Variants in ALDH5A1 observed in about 807,000 individuals in gnomAD.
ALDH5A1 encodes succinate-semialdehyde dehydrogenase, mitochondrial.
A neutral mutation model predicts 54.7 loss-of-function variants in ALDH5A1; 33 were observed. That is an observed-to-expected ratio of 0.60 (90% CI 0.46 to 0.81). ALDH5A1 has a LOEUF of 0.81. Ranked by LOEUF, ALDH5A1 falls within the 30% of genes least tolerant of loss-of-function variation. The pLI, the probability that ALDH5A1 is intolerant of heterozygous loss-of-function variation, is 0.00. For synonymous variants in ALDH5A1, 294 were observed against 292.7 expected (o/e 1.00, Z -0.05); for missense variants, 657 against 711.0 (o/e 0.92, Z 0.86).
chr6:24,521,413 C>T (rs903345928), intron 6 of ALDH5A1, among the ~76,000 whole-genome samples: 1 of 152,226 alleles, frequency 6.6e-6, no homozygotes, highest in South Asian at 2.1e-4. Context: ...CTCCTGTCTT[C>T]CAGTTCTATC....
chr6:24,523,821 T>G (rs1759749594), intron 7 of ALDH5A1, among the ~76,000 whole-genome samples: 2 of 152,110 alleles, frequency 1.3e-5, no homozygotes, highest in South Asian at 4.1e-4. Flanking sequence ...GATTTAGAGA[T>G]ATTGAGGGGA....
At chr6:24,516,109 T>C (rs571417202) in intron 5 of ALDH5A1, among the ~76,000 whole-genome samples, 1 of 152,302 alleles carries the variant, frequency 6.6e-6, no homozygotes, top group East Asian at 1.9e-4. Context: ...TTAATGTGTA[T>C]GCCTGTAAGT....
chr6:24,501,939 GTATATA>G (rs1234028952), intron 1 of ALDH5A1, among the ~76,000 whole-genome samples: 6 of 125,680 alleles, frequency 4.8e-5, no homozygotes, highest in Admixed American at 7.4e-5. Context: ...GTGTGTGTGT[GTATATA>G]TATATGTGTA....
At position 24,495,053 on chromosome 6, in the gene ALDH5A1, T is replaced by G; in HGVS notation, c.57T>G (p.Phe19Leu). The G allele has an allele frequency of 1.5e-6, 2 of 1,355,926 alleles. No homozygotes were observed. Among genetic ancestry groups the G allele is most frequent in the Non-Finnish European group, 1.9e-6 (2 of 1,056,152 alleles). The allele number at this position is 1,355,926 out of a possible 1,614,324, so 84.0% of individuals were successfully genotyped here. The change falls in exon 1 of 10, where the codon TTT becomes TTG. Residue 19 changes from phenylalanine (F) to leucine (L), a missense_variant. Around this residue, in one of 2 missense-constraint regions of ALDH5A1, gnomAD observed 232 missense variants for 194.6 expected, o/e 1.19. Transcript: ENST00000357578. ...SCGARRLGST[F>L]PGCRLRPRAG... is the part of the protein sequence containing the mutation. ...GGGCCCGGCGCCTCGGGTCGACGTT[T>G]CCAGGCTGCCGCCTCCGCCCCCGCG...
chr6:24,513,783 G>C (rs1433745430), intron 4 of ALDH5A1, among the ~76,000 whole-genome samples: 1 of 149,754 alleles, frequency 6.7e-6, no homozygotes, highest in Non-Finnish European at 1.5e-5. Context: ...GGGGTTCTCT[G>C]TTATTGGGTA....
intron 1 of ALDH5A1, among the ~76,000 whole-genome samples, chr6:24,496,103 C>G (rs1033882844): frequency 6.6e-6 from 1 of 152,194 alleles, no homozygotes; most frequent in Non-Finnish European, 1.5e-5. Flanking sequence ...TCAAAGCTCT[C>G]CCTCTGAAGG....
chr6:24,495,092 C>A lies in ALDH5A1; in HGVS notation c.96C>A (p.Val32=). 1 of 1,320,952 alleles carries A rather than the reference C, an allele frequency of 7.6e-7. No homozygotes were observed. The highest frequency in any genetic ancestry group is 9.6e-7 in the Non-Finnish European group (1 of 1,039,990). The allele number at this position is 1,320,952 out of a possible 1,614,324, so 81.8% of individuals were successfully genotyped here. ...TCCGCCCCCGCGCCGGCGGCCTGGT[C>A]CCTGCCTCCGGGCCTGCGCCCGGCC... The part of the protein sequence containing the change: ...CRLRPRAGGL[V]PASGPAPGPA... Residue 32 remains valine, a synonymous_variant, in exon 1 of 10, where the codon GTC becomes GTA. Coordinates refer to ENST00000357578, the MANE Select transcript of ALDH5A1 (RefSeq NM_001080.3).
chr6:24,511,719 T>C (rs2127384722), intron 4 of ALDH5A1: 1 of 402,534 alleles, frequency 2.5e-6, no homozygotes, highest in Non-Finnish European at 4.4e-6. Context: ...ACTTCTCCCC[T>C]TATTTCTTGT....
intron 1 of ALDH5A1, among the ~76,000 whole-genome samples, chr6:24,501,795 C>T (rs1476735581): frequency 6.6e-6 from 1 of 151,094 alleles, no homozygotes; most frequent in African/African-American, 2.4e-5. Flanking sequence ...CAAAAACAAA[C>T]AATCAAAAAA....
chr6:24,529,718 C>G (rs1324452698), intron 8 of ALDH5A1, among the ~76,000 whole-genome samples: 1 of 116,644 alleles, frequency 8.6e-6, no homozygotes, highest in African/African-American at 3.1e-5. Context: ...GTCACCCAAG[C>G]TGGAGTGCAG....
rs536757946 is a variant in ALDH5A1 at position 24,529,675 on chromosome 6, T to C, written c.1343+1509T>C. On this transcript the variant is annotated intron_variant, in intron 8 of 9. Transcript: ENST00000357578. ...GTTTTTTTGTTTTGGTTTGGGTTTT[T>C]TTTTTTTTTTTTTTTTGATGGAGTC... 5.4e-3 allele frequency among the ~76,000 whole-genome samples: 741 copies of C among 138,470 alleles called. 7 individuals carry two copies. Among genetic ancestry groups the C allele is most frequent in the African/African-American group, 0.018 (701 of 38,004 alleles). 90.8% of individuals were successfully genotyped at this position (138,470 alleles called of 152,430 possible). A position where few individuals can be genotyped will look rare whatever the true frequency, so the allele number is the denominator to read the frequency against.
chr6:24,533,380 C>G, intron 9 of ALDH5A1, 127 bp from the exon 10 acceptor site: 1 of 954,162 alleles, frequency 1.0e-6, no homozygotes, highest in Admixed American at 2.0e-5. Flanking sequence ...GGGACTTTAT[C>G]TGGGAGCAGG....
intron 7 of ALDH5A1, among the ~76,000 whole-genome samples, chr6:24,524,476 C>T (rs807517): frequency 0.22 from 33,619 of 151,914 alleles, 3,941 homozygotes; most frequent in Non-Finnish European, 0.26. Context: ...ACAGCCCCAC[C>T]GCTGTTCCTC....
At position 24,503,347 on chromosome 6, in the gene ALDH5A1, T is replaced by C; in HGVS notation, c.523T>C (p.Tyr175His). The change falls in exon 3 of 10, where the codon TAC becomes CAC. Residue 175 changes from tyrosine (Y) to histidine (H), a missense_variant. Physicochemically the swap from Tyr to His is moderately conservative, Grantham distance 83. Transcript: ENST00000357578. ...GTTCTCTGAGGAAGCCCGCCGTGTTTACGGAGACATTATCCACACCCCGGC... is the reference window on the plus strand; with the variant it reads ...GTTCTCTGAGGAAGCCCGCCGTGTTCACGGAGACATTATCCACACCCCGGC... ...EWFSEEARRV[Y>H]GDIIHTPAKD... The C allele has an allele frequency of 1.2e-6, 2 of 1,614,160 alleles. No homozygotes were observed. Among genetic ancestry groups the C allele is most frequent in the Non-Finnish European group, 1.7e-6 (2 of 1,180,042 alleles).
chr6:24,531,140 A>G (rs1759928910), intron 8 of ALDH5A1, among the ~76,000 whole-genome samples: 1 of 152,156 alleles, frequency 6.6e-6, no homozygotes. Context: ...AGCTGGTGCT[A>G]TCTGTACCGT....
At chr6:24,522,109 G>A (rs1389581976) in intron 6 of ALDH5A1, among the ~76,000 whole-genome samples, 1 of 152,012 alleles carries the variant, frequency 6.6e-6, no homozygotes, top group Admixed American at 6.5e-5. Context: ...GCCTCCCAAA[G>A]TGCTGGGGTT....
chr6:24,498,559 G>A (rs1031322807), intron 1 of ALDH5A1, among the ~76,000 whole-genome samples: 11 of 152,210 alleles, frequency 7.2e-5, no homozygotes, highest in Non-Finnish European at 1.2e-4. Context: ...GCATTATCCT[G>A]TGTTCAGATC....
rs1016064934 is a variant in ALDH5A1 at position 24,536,005 on chromosome 6, G to A, written c.*2293G>A. On this transcript the variant is annotated 3_prime_UTR_variant, in exon 10 of 10. Coordinates refer to ENST00000357578, the MANE Select transcript of ALDH5A1 (RefSeq NM_001080.3). Reference sequence around the variant, plus strand: ...CATAAATTGAGGCCAGAGACTCATTGTATATCCTTGATCAATTTTCTAATT... The same window carrying A: ...CATAAATTGAGGCCAGAGACTCATTATATATCCTTGATCAATTTTCTAATT... The A allele has an allele frequency of 2.6e-5, 4 of 152,150 alleles. No homozygotes were observed. The highest frequency in any genetic ancestry group is 4.8e-5 in the African/African-American group (2 of 41,434). The allele number at this position is 152,150 out of a possible 1,614,324, so 9.4% of individuals were successfully genotyped here.
At chr6:24,505,044 C>G in intron 4 of ALDH5A1, 59 bp downstream of exon 4, 6 of 1,577,172 alleles carry the variant, frequency 3.8e-6, no homozygotes, top group South Asian at 3.3e-5. Context: ...TGATGTTTAT[C>G]TGGGACAGAA....
Sources: gnomAD v4.1 joint callset for allele counts (sites outside exome capture counted in the v4.1 genomes callset) on GRCh38, gnomAD v4.1.1 for gene constraint, gnomAD v4.1.1 regional missense constraint, MANE v1.5 for transcripts, NCBI Gene and HGNC (gene_info 2026-07-23, HGNC 2026-07-21) for gene names.